The following SEMA4B variants were observed in gnomAD, a reference collection of about 807,000 sequenced individuals.
The protein encoded by SEMA4B is semaphorin 4B, also known as semaphorin-4B.
Under a neutral mutation model 88.1 loss-of-function variants are expected in SEMA4B, and 55 were observed. The ratio of observed to expected loss-of-function variants is 0.62; its 90% CI spans 0.50 to 0.78. The LOEUF (loss-of-function observed/expected upper bound fraction) is 0.78. SEMA4B is among the 30% of genes least tolerant of loss of function. The probability of loss-of-function intolerance (pLI) is 0.00; values close to 1 mark genes in which losing one functional copy is unlikely to be tolerated. For synonymous variants in SEMA4B, 525 were observed against 473.6 expected, an observed-to-expected ratio of 1.11 and a Z score of -1.41; for missense variants, 1,062 against 1,111.9, an observed-to-expected ratio of 0.96 and a Z score of 0.64.
At chr15:90,227,438 G>A in intron 12 of SEMA4B, 119 bp from the exon 13 acceptor site, 1 of 736,726 alleles carries the variant, frequency 1.4e-6, no homozygotes, top group Non-Finnish European at 2.3e-6. Context: ...GCTGACTCCT[G>A]TGGGTGGGGA....
At chr15:90,227,017 T>C (rs1002312471) in intron 12 of SEMA4B, among the ~76,000 whole-genome samples, 2 of 152,196 alleles carry the variant, frequency 1.3e-5, no homozygotes, top group African/African-American at 4.8e-5. Flanking sequence ...GCTGTCCTTC[T>C]AATCTTTTTC....
intron 11 of SEMA4B, 62 bp from the exon 12 acceptor site, chr15:90,225,599 G>C (rs1596159999): frequency 6.5e-7 from 1 of 1,528,180 alleles, no homozygotes; most frequent in East Asian, 2.5e-5. Flanking sequence ...CAAGCCGGGT[G>C]GCCATGGGTG....
At chr15:90,218,617 A>G (rs1362599379) in intron 3 of SEMA4B, among the ~76,000 whole-genome samples, 3 of 152,198 alleles carry the variant, frequency 2.0e-5, no homozygotes, top group Non-Finnish European at 4.4e-5. Context: ...GTTCGAGACC[A>G]GCCAGGCCAA....
intron 1 of SEMA4B, among the ~76,000 whole-genome samples, chr15:90,188,248 A>C (rs1234844286): frequency 5.3e-5 from 8 of 151,946 alleles, no homozygotes; most frequent in Non-Finnish European, 1.2e-4. Context: ...GAGCCAAGGG[A>C]GGTTGAGGCT....
chr15:90,201,221 C>A, upstream of SEMA4B: 1 of 763,222 alleles, frequency 1.3e-6, no homozygotes. Flanking sequence ...TGCGGCAGCG[C>A]CCCGAGCTGC....
chr15:90,196,379 C>G (rs1960507155), upstream of SEMA4B, among the ~76,000 whole-genome samples: 1 of 152,182 alleles, frequency 6.6e-6, no homozygotes, highest in Non-Finnish European at 1.5e-5. Context: ...AGTAAGTCAT[C>G]TGTGGGACAG....
At position 90,217,519 on chromosome 15, in the gene SEMA4B, A is replaced by C. The variant is rs368420828; in HGVS notation, c.238A>C (p.Arg80=). The change falls in exon 2 of 14, where the codon AGG becomes CGG. Residue 80 remains arginine, a synonymous_variant. Transcript: ENST00000411539. ...AGCCCTTCTGCTGAGCAGGGATGGC[A>C]GGACCCTGTACGTGGGTGCTCGAGA... The part of the protein sequence containing the change: ...YTALLLSRDG[R]TLYVGAREAL... The C allele has an allele frequency of 6.2e-7, 1 of 1,614,010 alleles. No individual in the cohort carries two copies.
At chr15:90,220,578 C>A (rs1456628517) in intron 4 of SEMA4B, among the ~76,000 whole-genome samples, 1 of 151,780 alleles carries the variant, frequency 6.6e-6, no homozygotes, top group East Asian at 1.9e-4. Context: ...ACCGTGTTAG[C>A]CAGGATGGTC....
Position 90,221,375 on chromosome 15 carries a change from C to G in SEMA4B, c.604C>G (p.Leu202Val), listed in dbSNP as rs1255709686. The change falls in exon 6 of 14, where the codon CTC becomes GTC. Residue 202 changes from leucine to valine, a missense_variant. By Grantham distance (32) the Leu-to-Val change is conservative (BLOSUM62 1). Transcript: ENST00000411539. ...GAATGTTTTCTTGGCAGATGGCGAG[C>G]TCTACACTGGAACAGTCAGCAGCTT... ...KSTALVVDGE[L>V]YTGTVSSFQG... 1.3e-5 allele frequency: 18 copies of G among 1,362,908 alleles called. No homozygotes were observed. The highest frequency in any genetic ancestry group is 2.0e-5 in the African/African-American group (1 of 49,252). 84.4% of individuals were successfully genotyped at this position (1,362,908 alleles called of 1,614,324 possible). A position where few individuals can be genotyped will look rare whatever the true frequency, so the allele number is the denominator to read the frequency against.
chr15:90,189,018 G>C (rs1471215248), intron 1 of SEMA4B, among the ~76,000 whole-genome samples: 1 of 152,154 alleles, frequency 6.6e-6, no homozygotes, highest in East Asian at 1.9e-4. Context: ...GATAAACTAA[G>C]CTCTGTGAAG....
rs370800218 is a variant in SEMA4B, at chr15:90,223,703, C to A, written c.1006C>A (p.Arg336Ser). The stretch of plus-strand genomic sequence containing the variant: ...GCTGAGCCCCAGCCCCCAGGACTGG[C>A]GTGACACCCTTTTCTATGGGGTCTT... ...FTLSPSPQDW[R>S]DTLFYGVFTS... Residue 336 changes from arginine to serine, a missense_variant, in exon 8 of 14, where the codon CGT becomes AGT. Arg to Ser is a moderately radical substitution (Grantham distance 110, BLOSUM62 -1). Transcript: ENST00000411539. 6.2e-7 allele frequency: 1 copy of A among 1,611,584 alleles called. No individual in the cohort carries two copies. The highest frequency in any genetic ancestry group is 1.3e-5 in the African/African-American group (1 of 74,884).
rs569180426 is a variant in SEMA4B at position 90,212,970 on chromosome 15, C to T, written c.158-4469C>T. Among the ~76,000 whole-genome samples the T allele has an allele frequency of 2.0e-4, 31 of 152,282 alleles. No homozygotes were observed. The highest frequency in any genetic ancestry group is 2.4e-5 in the African/African-American group (1 of 41,566). On this transcript the variant is annotated intron_variant, in intron 1 of 13. Coordinates refer to ENST00000411539, the MANE Select transcript of SEMA4B (RefSeq NM_198925.4). The surrounding 1 kb of genome is among the most constrained non-coding windows in gnomAD (Gnocchi z 4.0). ...GCCCTGCCCTTCTGCCAGCTCTCACCGGGCCGGATTTTCCTGCGGGGCTTT... is the reference window on the plus strand; with the variant it reads ...GCCCTGCCCTTCTGCCAGCTCTCACTGGGCCGGATTTTCCTGCGGGGCTTT...
In SEMA4B at chr15:90,228,006, G is replaced by T. The variant is rs1962264587; in HGVS notation, c.1877G>T (p.Gly626Val). The part of the protein sequence containing the change: ...NLATRLWLRN[G>V]APVNASASCH... ...GCGACCCGACTCTGGCTACGCAACG[G>T]GGCCCCCGTCAATGCCTCGGCCTCC... Residue 626 changes from glycine to valine, a missense_variant, in exon 14 of 14, where the codon GGG (glycine) becomes GTG (valine). By Grantham distance (109) the Gly-to-Val change is moderately radical (BLOSUM62 -3). Transcript: ENST00000411539. 1.9e-6 allele frequency: 3 copies of T among 1,613,796 alleles called. No homozygotes were observed. The highest frequency in any genetic ancestry group is 2.5e-6 in the Non-Finnish European group (3 of 1,179,882).
In SEMA4B at chr15:90,201,515, G is replaced by A. The variant is rs1384793890; in HGVS notation, c.-64G>A. The A allele has an allele frequency of 7.5e-7, 1 of 1,336,356 alleles. No homozygotes were observed. The highest frequency in any genetic ancestry group is 2.8e-4 in the Middle Eastern group (1 of 3,608). 82.8% of individuals were successfully genotyped at this position (1,336,356 alleles called of 1,614,324 possible). A position where few individuals can be genotyped will look rare whatever the true frequency, so the allele number is the denominator to read the frequency against. On this transcript the variant is annotated 5_prime_UTR_variant, in exon 1 of 14. Transcript: ENST00000411539. ...GGGCGGACCGCGGGGCGGAGCTGCC[G>A]CCCGTGAGTCCGGCCGAGCCACCTG...
At chr15:90,227,770 C>G in intron 13 of SEMA4B, 128 bp downstream of exon 13, 1 of 1,466,542 alleles carries the variant, frequency 6.8e-7, no homozygotes, top group Non-Finnish European at 9.3e-7. Context: ...AGCAGGTCCC[C>G]AGGAAGACTC....
Position 90,227,546 on chromosome 15 carries a change from C to T in SEMA4B, c.1689-11C>T. On this transcript the variant is annotated splice_polypyrimidine_tract_variant and intron_variant, in intron 12 of 13. Coordinates refer to ENST00000411539, the MANE Select transcript of SEMA4B (RefSeq NM_198925.4). ...TTCCTGGCCAATCCCAGAATTCTCT[C>T]TGGCCCTCAGGCCGTGGATCCAGGA... 1 of 1,613,560 alleles carries T rather than the reference C, an allele frequency of 6.2e-7. No individual in the cohort carries two copies.
exon 1 of SEMA4B, chr15:90,184,974 C>G (rs1960120666): frequency 1.0e-6 from 1 of 985,856 alleles, no homozygotes; most frequent in South Asian, 4.7e-5. Flanking sequence ...TCCGGGTCCC[C>G]AGGGGCTGCG....
intron 1 of SEMA4B, chr15:90,215,015 C>T (rs1961464398): frequency 8.0e-7 from 1 of 1,257,756 alleles, no homozygotes; most frequent in East Asian, 6.0e-5. Context: ...GCGTGTTGCA[C>T]TTTTTGCTTC....
At chr15:90,206,494 T>C (rs1010707934) in intron 1 of SEMA4B, 7 of 313,344 alleles carry the variant, frequency 2.2e-5, no homozygotes, top group Non-Finnish European at 3.6e-5. Flanking sequence ...CTTTCCCTGC[T>C]GCCACCAAGT....
Sources: allele counts gnomAD v4.1 joint callset (sites outside exome capture counted in the v4.1 genomes callset), GRCh38; gene constraint gnomAD v4.1.1; non-coding constraint Gnocchi (gnomAD v3.1); transcripts MANE v1.5; gene names NCBI Gene and HGNC (gene_info 2026-07-23, HGNC 2026-07-21).